ZNF519: variants seen among roughly 807,000 people sequenced by gnomAD.
ZNF519 encodes the protein zinc finger protein 519.
A neutral mutation model predicts 7.4 loss-of-function variants in ZNF519; 7 were observed. The ratio of observed to expected loss-of-function variants is 0.94; its 90% CI spans 0.54 to 1.77. The LOEUF (loss-of-function observed/expected upper bound fraction) is 1.77. Ranked by LOEUF, ZNF519 falls within the 40% of genes most tolerant of loss-of-function variation. The pLI, the probability that ZNF519 is intolerant of heterozygous loss-of-function variation, is 0.00. For synonymous variants in ZNF519, 179 were observed against 203.3 expected (o/e 0.88, Z 1.02); for missense variants, 586 against 623.1 (o/e 0.94, Z 0.63).
intron 3 of ZNF519, among the ~76,000 whole-genome samples, chr18:14,084,698 C>G (rs1324136747): frequency 6.6e-6 from 1 of 152,168 alleles, no homozygotes; most frequent in Non-Finnish European, 1.5e-5. Context: ...GCTCCCCTCT[C>G]AAGGCCTGGT....
downstream of ZNF519, among the ~76,000 whole-genome samples, chr18:14,096,962 A>G (rs1326472847): frequency 1.3e-5 from 2 of 152,156 alleles, no homozygotes; most frequent in African/African-American, 4.8e-5. Flanking sequence ...CTGATATCTC[A>G]ACGCTTCATT....
intron 2 of ZNF519, among the ~76,000 whole-genome samples, chr18:14,087,167 TCAA>T (rs2046094306): frequency 6.6e-6 from 1 of 152,050 alleles, no homozygotes; most frequent in Non-Finnish European, 1.5e-5. Context: ...ATAAAAACTG[TCAA>T]CAGATTGGGT....
chr18:14,103,158 G>A lies in ZNF519; in HGVS notation c.*1759C>T, dbSNP rs1051624255. The A allele has an allele frequency of 6.6e-6, 1 of 151,960 alleles. No homozygotes were observed. The highest frequency in any genetic ancestry group is 2.4e-5 in the African/African-American group (1 of 41,388). The allele number at this position is 151,960 out of a possible 1,614,324, so 9.4% of individuals were successfully genotyped here. ...AATGTAAATAATGGGCAGAAAAAGT[G>A]GGAAGATCAACAGGAAAACATAACA... On this transcript the variant is annotated 3_prime_UTR_variant, in exon 3 of 3. Transcript: ENST00000590202.
chr18:14,091,939 C>G (rs541545255), intron 2 of ZNF519, among the ~76,000 whole-genome samples: 1 of 152,014 alleles, frequency 6.6e-6, no homozygotes, highest in African/African-American at 2.4e-5. Context: ...ATTCAGTGAA[C>G]GATGGCCAGA....
intron 2 of ZNF519, among the ~76,000 whole-genome samples, chr18:14,107,498 G>A (rs765621947): frequency 3.7e-4 from 56 of 152,304 alleles, no homozygotes; most frequent in Non-Finnish European, 6.6e-4. Flanking sequence ...GTGAGACTCA[G>A]CACATTCACA....
At chr18:14,120,674 A>T (rs575345381) in intron 2 of ZNF519, among the ~76,000 whole-genome samples, 3 of 152,304 alleles carry the variant, frequency 2.0e-5, no homozygotes, top group Admixed American at 6.5e-5. Flanking sequence ...AACTTCTGCA[A>T]TTCAAAGCAA....
rs2143115873 is a variant in ZNF519 at position 14,101,293 on chromosome 18, C to A, written c.*3624G>T. The A allele has an allele frequency of 6.3e-6, 1 of 157,622 alleles. No homozygotes were observed. The highest frequency in any genetic ancestry group is 2.1e-4 in the South Asian group (1 of 4,876). The allele number at this position is 157,622 out of a possible 1,614,324, so 9.8% of individuals were successfully genotyped here. A position where few individuals can be genotyped will look rare whatever the true frequency, so the allele number is the denominator to read the frequency against. On this transcript the variant is annotated 3_prime_UTR_variant, in exon 3 of 3. Coordinates refer to ENST00000590202, the MANE Select transcript of ZNF519 (RefSeq NM_145287.4). The stretch of plus-strand genomic sequence containing the variant: ...CCACCACGCCTGCACTGATGGAGTC[C>A]ACCTGCAGGTCTCATCCAGATTTAG...
In ZNF519 at chr18:14,090,071, C is replaced by T. The variant is rs148730708; in HGVS notation, c.131-4995G>A. On this transcript the variant is annotated intron_variant and NMD_transcript_variant, in intron 2 of 4. Coordinates refer to the ZNF519 transcript ENST00000587419. ...CGGTCCACGACTCACCTTCCATAGC[C>T]TCCAGGGGTAGACACCGGTGTGTCC... 8.4e-3 allele frequency: 1,273 copies of T among 152,326 alleles called. 6 individuals are homozygous for T. Among genetic ancestry groups the T allele is most frequent in the Non-Finnish European group, 0.015 (1,001 of 68,058 alleles). 9.4% of individuals were successfully genotyped at this position (152,326 alleles called of 1,614,324 possible).
downstream of ZNF519, among the ~76,000 whole-genome samples, chr18:14,097,680 C>A (rs937514660): frequency 6.6e-6 from 1 of 152,244 alleles, no homozygotes. Context: ...GGGACATGAC[C>A]ACATGAAGGA....
rs9953440 is a variant in ZNF519, at chr18:14,125,747, C to T, written c.4-1271G>A. ...TTGCCCAGGCTGGAGTGCAATGGTG[C>T]GATCTTGGCTCACTGCAACCTCCGC... is the stretch of plus-strand genomic sequence containing the variant. On this transcript the variant is annotated intron_variant, in intron 1 of 2. Transcript: ENST00000590202. 7.9e-3 allele frequency among the ~76,000 whole-genome samples: 1,201 copies of T among 151,876 alleles called. 18 individuals carry two copies. The highest frequency in any genetic ancestry group is 0.026 in the African/African-American group (1,096 of 41,366).
In ZNF519 at chr18:14,101,977, A is replaced by C. The variant is rs78891381; in HGVS notation, c.*2940T>G. ...ATTTTAAGACATATAATATTCTCTA[A>C]TATTCAGGAATAAAGAGGTTTCCTA... is the stretch of plus-strand genomic sequence containing the variant. On this transcript the variant is annotated 3_prime_UTR_variant, in exon 3 of 3. Transcript: ENST00000590202. 2.7e-6 allele frequency: 1 copy of C among 371,754 alleles called. No individual in the cohort carries two copies. Among genetic ancestry groups the C allele is most frequent in the African/African-American group, 2.1e-5 (1 of 48,040 alleles). The allele number at this position is 371,754 out of a possible 1,614,324, so 23.0% of individuals were successfully genotyped here.
At chr18:14,093,964 GTC>G (rs928578762) in intron 2 of ZNF519, among the ~76,000 whole-genome samples, 3 of 152,180 alleles carry the variant, frequency 2.0e-5, no homozygotes, top group Non-Finnish European at 4.4e-5. Flanking sequence ...ACAATTCTTT[GTC>G]TCTCCTACTT....
At chr18:14,119,101 C>A (rs912157604) in intron 2 of ZNF519, among the ~76,000 whole-genome samples, 1 of 152,108 alleles carries the variant, frequency 6.6e-6, no homozygotes, top group African/African-American at 2.4e-5. Flanking sequence ...CTTTCCAGGT[C>A]CCAAAAAGAA....
chr18:14,111,336 C>T (rs1306479530), intron 2 of ZNF519, among the ~76,000 whole-genome samples: 4 of 151,164 alleles, frequency 2.6e-5, no homozygotes, highest in Non-Finnish European at 4.4e-5. Flanking sequence ...GAAACCCCGT[C>T]TCTACTAAAA....
Position 14,105,973 on chromosome 18 carries a change from T to TA in ZNF519, c.566dup (p.Phe190IlefsTer11). ...AAATAAGCTTTGAGGATTGGTAAAA[T>TA]ACTTTTTCACATTCATTACAATTGT... On this transcript the variant is annotated frameshift_variant, in exon 3 of 3. Coordinates refer to ENST00000590202, the MANE Select transcript of ZNF519 (RefSeq NM_145287.4). LOFTEE classifies it low-confidence loss of function (END_TRUNC). 1 of 1,596,614 alleles carries TA rather than the reference T, an allele frequency of 6.3e-7. No individual in the cohort carries two copies. The highest frequency in any genetic ancestry group is 8.6e-7 in the Non-Finnish European group (1 of 1,169,156).
At position 14,104,972 on chromosome 18, in the gene ZNF519, T is replaced by A; in HGVS notation, c.1568A>T (p.Lys523Ile). The A allele has an allele frequency of 3.1e-6, 5 of 1,595,292 alleles. No homozygotes were observed. The highest frequency in any genetic ancestry group is 4.3e-6 in the Non-Finnish European group (5 of 1,172,372). The change falls in exon 3 of 3, where the codon AAA (lysine) becomes ATA (isoleucine). Residue 523 changes from lysine (K) to isoleucine (I), a missense_variant. Transcript: ENST00000590202. ...EKPFKCKECG[K>I]AFNRRSTLTQ... ...AAGGGTTGAGCGTCTGTTAAAAGCT[T>A]TGCCACATTCTTTACATTTGAAAGG...
At chr18:14,106,951 C>G (rs1598516580) in intron 2 of ZNF519, among the ~76,000 whole-genome samples, 1 of 152,108 alleles carries the variant, frequency 6.6e-6, no homozygotes. Flanking sequence ...GTGATTGGAA[C>G]TTGAGTTCTG....
intron 2 of ZNF519, among the ~76,000 whole-genome samples, chr18:14,115,224 C>T (rs2046240368): frequency 6.6e-6 from 1 of 152,234 alleles, no homozygotes; most frequent in African/African-American, 2.4e-5. Context: ...CCAGGAGAAA[C>T]TCCCAACTCT....
intron 2 of ZNF519, among the ~76,000 whole-genome samples, chr18:14,110,088 T>C (rs554515583): frequency 5.2e-4 from 79 of 151,740 alleles, no homozygotes; most frequent in African/African-American, 1.8e-3. Flanking sequence ...AATAAACAAA[T>C]TGAGGAAACA....
Sources: allele counts gnomAD v4.1 joint callset (sites outside exome capture counted in the v4.1 genomes callset), GRCh38; gene constraint gnomAD v4.1.1; transcripts MANE v1.5; gene names NCBI Gene and HGNC (gene_info 2026-07-23, HGNC 2026-07-21).